HPSE2: variants seen among roughly 807,000 people sequenced by gnomAD.
HPSE2 encodes inactive heparanase-2.
Under a neutral mutation model 60.5 loss-of-function variants are expected in HPSE2, and 38 were observed. The ratio of observed to expected loss-of-function variants is 0.63; its 90% CI spans 0.48 to 0.82. The LOEUF is 0.82. Ranked by LOEUF, HPSE2 falls within the 40% of genes least tolerant of loss-of-function variation. HPSE2 has a pLI of 0.00. For synonymous variants in HPSE2, 295 were observed against 293.2 expected, an observed-to-expected ratio of 1.01 and a Z score of -0.06; for missense variants, 713 against 740.4, an observed-to-expected ratio of 0.96 and a Z score of 0.43.
intron 2 of HPSE2, among the ~76,000 whole-genome samples, chr10:99,148,821 C>CAATCAATA (rs1259242832): frequency 7.4e-6 from 1 of 135,650 alleles, no homozygotes; most frequent in African/African-American, 2.6e-5. Flanking sequence ...ATCAATCAAT[C>CAATCAATA]AATAAAATAG....
chr10:98,976,805 G>GA (rs1166410877), intron 3 of HPSE2, among the ~76,000 whole-genome samples: 5 of 151,818 alleles, frequency 3.3e-5, no homozygotes, highest in Admixed American at 6.6e-5. Context: ...ACTTTATTTG[G>GA]AAAAAATGGG....
chr10:98,974,474 G>A (rs2135277660), intron 3 of HPSE2, among the ~76,000 whole-genome samples: 2 of 152,084 alleles, frequency 1.3e-5, no homozygotes, highest in Non-Finnish European at 2.9e-5. Flanking sequence ...CACCATATTG[G>A]CCAGGCTGGT....
chr10:98,641,036 TTAATA>T (rs924989805), intron 7 of HPSE2, among the ~76,000 whole-genome samples: 1 of 152,192 alleles, frequency 6.6e-6, no homozygotes, highest in Non-Finnish European at 1.5e-5. Context: ...ATGCAATTGC[TTAATA>T]TAATATAGCT....
intron 3 of HPSE2, among the ~76,000 whole-genome samples, chr10:99,040,851 C>T (rs571428185): frequency 6.6e-6 from 1 of 152,172 alleles, no homozygotes; most frequent in Non-Finnish European, 1.5e-5. Flanking sequence ...CTTTGGGAGG[C>T]CGAGGCGAGC....
the HPSE2 span, among the ~76,000 whole-genome samples, chr10:99,260,370 G>C: frequency 6.6e-6 from 1 of 152,144 alleles, no homozygotes; most frequent in Non-Finnish European, 1.5e-5. Flanking sequence ...TCTTTCGGGA[G>C]ACTGGTCCCC....
the HPSE2 span, among the ~76,000 whole-genome samples, chr10:99,274,019 T>C: frequency 1.3e-5 from 2 of 152,196 alleles, no homozygotes; most frequent in East Asian, 1.9e-4. Flanking sequence ...CTGGTAACAT[T>C]TGTATAAGTA....
At chr10:99,119,063 G>C (rs565084354) in intron 3 of HPSE2, among the ~76,000 whole-genome samples, 1 of 127,856 alleles carries the variant, frequency 7.8e-6, no homozygotes, top group Admixed American at 9.4e-5. Flanking sequence ...GAAAGAAAGA[G>C]AGAGAAAGAA....
chr10:99,098,706 T>C (rs919453647), intron 3 of HPSE2, among the ~76,000 whole-genome samples: 1 of 152,206 alleles, frequency 6.6e-6, no homozygotes, highest in Non-Finnish European at 1.5e-5. Context: ...TTCTGAAATT[T>C]CCATAAGAAA....
At chr10:98,517,437 T>C (rs994385437) in intron 9 of HPSE2, among the ~76,000 whole-genome samples, 2 of 152,118 alleles carry the variant, frequency 1.3e-5, no homozygotes, top group South Asian at 2.1e-4. Flanking sequence ...TTCATTCCCT[T>C]CCCATAGAAC....
At chr10:98,545,630 A>C (rs1943643900) in intron 9 of HPSE2, among the ~76,000 whole-genome samples, 1 of 152,200 alleles carries the variant, frequency 6.6e-6, no homozygotes, top group Non-Finnish European at 1.5e-5. Context: ...ACGCTCAATA[A>C]ATTAGGTATT....
At chr10:99,073,046 C>T (rs1270827965) in intron 3 of HPSE2, among the ~76,000 whole-genome samples, 1 of 151,000 alleles carries the variant, frequency 6.6e-6, no homozygotes, top group Admixed American at 6.6e-5. Context: ...ATTAGTTCAA[C>T]CATTGTTGAA....
At chr10:98,589,594 T>G (rs1945032408) in intron 9 of HPSE2, among the ~76,000 whole-genome samples, 1 of 152,214 alleles carries the variant, frequency 6.6e-6, no homozygotes, top group African/African-American at 2.4e-5. Context: ...CTCTCATACA[T>G]GACAGCCTTT....
At chr10:98,717,570 G>C (rs59607303) in intron 5 of HPSE2, among the ~76,000 whole-genome samples, 1 of 152,132 alleles carries the variant, frequency 6.6e-6, no homozygotes, top group African/African-American at 2.4e-5. Context: ...TTGCATCTCA[G>C]GGAATAGAAA....
chr10:98,757,626 A>C (rs1949907904), intron 3 of HPSE2, among the ~76,000 whole-genome samples: 1 of 152,162 alleles, frequency 6.6e-6, no homozygotes, highest in African/African-American at 2.4e-5. Context: ...ACAGCTAACC[A>C]GAGAAATGAA....
intron 3 of HPSE2, among the ~76,000 whole-genome samples, chr10:98,976,002 T>C (rs1167686784): frequency 6.6e-6 from 1 of 152,182 alleles, no homozygotes; most frequent in Non-Finnish European, 1.5e-5. Flanking sequence ...AGAATAAAGT[T>C]ACCAAGGTTT....
intron 3 of HPSE2, among the ~76,000 whole-genome samples, chr10:99,100,232 T>TA (rs1564806300): frequency 6.6e-6 from 1 of 152,092 alleles, no homozygotes; most frequent in South Asian, 2.1e-4. Context: ...GCAAAGAAGC[T>TA]AAAAACCTTG....
intron 2 of HPSE2, among the ~76,000 whole-genome samples, chr10:99,217,311 AC>A (rs889870051): frequency 3.5e-4 from 53 of 151,170 alleles, no homozygotes; most frequent in African/African-American, 1.2e-3. Context: ...CTTATTTCTT[AC>A]TAGATCCACT....
At chr10:99,057,282 G>T (rs1958136410) in intron 3 of HPSE2, among the ~76,000 whole-genome samples, 1 of 152,076 alleles carries the variant, frequency 6.6e-6, no homozygotes, top group Non-Finnish European at 1.5e-5. Context: ...CTAGATTTCA[G>T]TAAGTACCAA....
chr10:98,553,089 C>G (rs1943908135), intron 9 of HPSE2, among the ~76,000 whole-genome samples: 1 of 152,128 alleles, frequency 6.6e-6, no homozygotes, highest in African/African-American at 2.4e-5. Flanking sequence ...CATTGCAGTT[C>G]CCATCTCTTA....
Sources: allele counts gnomAD v4.1 joint callset (sites outside exome capture counted in the v4.1 genomes callset), GRCh38; gene constraint gnomAD v4.1.1; transcripts MANE v1.5; gene names NCBI Gene and HGNC (gene_info 2026-07-23, HGNC 2026-07-21).